The following ZNF613 variants were observed in gnomAD, a reference collection of about 807,000 sequenced individuals.
ZNF613 encodes zinc finger protein 613.
A neutral mutation model predicts 14.3 loss-of-function variants in ZNF613; 8 were observed. The ratio of observed to expected loss-of-function variants is 0.56; its 90% CI spans 0.33 to 1.01. The LOEUF is 1.01. Among genes scored for constraint, ZNF613 ranks in the 50% least tolerant of loss-of-function variants. The probability of loss-of-function intolerance (pLI) is 0.03; values close to 1 mark genes in which losing one functional copy is unlikely to be tolerated. For missense variants in ZNF613, 656 were observed against 741.9 expected (o/e 0.88, Z 1.35); for synonymous variants, 228 against 254.5 (o/e 0.90, Z 0.99).
rs550340475 is a variant in ZNF613, at chr19:51,932,712, A to G, written c.-194+2816A>G. ...TTTTTTTGAGACAGGGTCTCACTCTATTGCCCAGGCTGGAGCGCATTGGCA... is the reference window on the plus strand; with the variant it reads ...TTTTTTTGAGACAGGGTCTCACTCTGTTGCCCAGGCTGGAGCGCATTGGCA... On this transcript the variant is annotated intron_variant, in intron 2 of 5. Coordinates refer to ENST00000293471, the MANE Select transcript of ZNF613 (RefSeq NM_001031721.4). 4.5e-4 allele frequency among the ~76,000 whole-genome samples: 67 copies of G among 149,932 alleles called. 1 individual carries two copies. Among genetic ancestry groups the G allele is most frequent in the African/African-American group, 1.6e-3 (64 of 40,664 alleles).
chr19:51,944,296 C>A lies in ZNF613; in HGVS notation c.413C>A (p.Ser138Ter). The A allele has an allele frequency of 6.3e-7, 1 of 1,596,824 alleles. No homozygotes were observed. Among genetic ancestry groups the A allele is most frequent in the South Asian group, 1.1e-5 (1 of 88,752 alleles). ...GACTTACATGGGAAAATACTGAAATCAAATTTAAGTTTAGTCAACCAGAAC... is the reference window on the plus strand; with the variant it reads ...GACTTACATGGGAAAATACTGAAATAAAATTTAAGTTTAGTCAACCAGAAC... ...TFDLHGKILK[S>*]NLSLVNQNKR... The change falls in exon 6 of 6, where the codon TCA becomes TAA. Residue 138 changes from serine to a stop codon, truncating the protein, a stop_gained. Transcript: ENST00000293471. LOFTEE classifies it low-confidence loss of function (END_TRUNC).
chr19:51,940,739 G>T lies in ZNF613; in HGVS notation c.235+30G>T, dbSNP rs1039617762. 8 of 1,584,564 alleles carry T rather than the reference G, an allele frequency of 5.0e-6. No individual in the cohort carries two copies. The African/African-American group carries it at 9.5e-5, about 19-fold the overall frequency. ...GTTCAGGGTGAGAGCCAGCAAGGAG[G>T]GTGGCTGAGCAAGTCACATGATAGT... On this transcript the variant is annotated intron_variant, in intron 5 of 5. Transcript: ENST00000293471.
At chr19:51,933,371 C>A (rs1306820035) in intron 2 of ZNF613, among the ~76,000 whole-genome samples, 1 of 152,202 alleles carries the variant, frequency 6.6e-6, no homozygotes, top group African/African-American at 2.4e-5. Context: ...CTTTTCCTCC[C>A]TGAGTGAATT....
intron 3 of ZNF613, among the ~76,000 whole-genome samples, chr19:51,939,042 C>G (rs1017116397): frequency 2.0e-5 from 3 of 151,348 alleles, no homozygotes; most frequent in Admixed American, 6.6e-5. Context: ...AGTACCTTTC[C>G]ATTATTGTAT....
chr19:51,943,784 A>AGAG (rs10676351), intron 5 of ZNF613, among the ~76,000 whole-genome samples: 24,765 of 152,052 alleles, frequency 0.16, 2,628 homozygotes, highest in African/African-American at 0.3. Flanking sequence ...TATTTATAAA[A>AGAG]GACATAAGGA....
Position 51,945,197 on chromosome 19 carries a change from C to T in ZNF613, c.1314C>T (p.Ser438=). The change falls in exon 6 of 6, where the codon AGC becomes AGT. Residue 438 remains serine (S), a synonymous_variant. Transcript: ENST00000293471. The part of the protein sequence containing the change: ...YVCNECGKGF[S]QKTCLISHQR... ...GCAATGAATGTGGGAAAGGCTTCAGCCAGAAGACATGTTTAATATCCCATC... is the reference window on the plus strand; with the variant it reads ...GCAATGAATGTGGGAAAGGCTTCAGTCAGAAGACATGTTTAATATCCCATC... The T allele has an allele frequency of 6.2e-7, 1 of 1,614,096 alleles. No individual in the cohort carries two copies. Among genetic ancestry groups the T allele is most frequent in the South Asian group, 1.1e-5 (1 of 91,076 alleles).
chr19:51,930,082 C>G (rs952924895), intron 2 of ZNF613, among the ~76,000 whole-genome samples, 186 bp downstream of exon 2: 6 of 152,094 alleles, frequency 3.9e-5, no homozygotes, highest in African/African-American at 1.4e-4. Flanking sequence ...AAAAAGAAAC[C>G]CTGTACCCTT....
At chr19:51,932,993 A>AC (rs2085279095) in intron 2 of ZNF613, among the ~76,000 whole-genome samples, 1 of 152,090 alleles carries the variant, frequency 6.6e-6, no homozygotes, top group African/African-American at 2.4e-5. Flanking sequence ...TGACATTTTC[A>AC]CTTAGCATAA....
At chr19:51,937,725 C>CTT (rs557250619) in intron 3 of ZNF613, among the ~76,000 whole-genome samples, 200 of 105,172 alleles carry the variant, frequency 1.9e-3, no homozygotes, top group Non-Finnish European at 2.7e-3. Flanking sequence ...TGTCTTTTTT[C>CTT]TTTTTTTTTT....
intron 1 of ZNF613, among the ~76,000 whole-genome samples, chr19:51,928,718 G>A (rs932310918): frequency 6.6e-6 from 1 of 151,976 alleles, no homozygotes; most frequent in Non-Finnish European, 1.5e-5. Flanking sequence ...AACTGGGTGT[G>A]GTAACACACG....
chr19:51,928,917 G>T (rs2085241861), intron 1 of ZNF613, among the ~76,000 whole-genome samples: 1 of 151,650 alleles, frequency 6.6e-6, no homozygotes, highest in South Asian at 2.1e-4. Context: ...CGAAGAAAAT[G>T]ATAAGGTTTC....
chr19:51,938,496 A>G (rs1466419685), intron 3 of ZNF613, among the ~76,000 whole-genome samples: 4 of 151,750 alleles, frequency 2.6e-5, no homozygotes, highest in Non-Finnish European at 4.4e-5. Context: ...ATGACTTTCT[A>G]AGGTTCTCTG....
intron 3 of ZNF613, among the ~76,000 whole-genome samples, chr19:51,939,810 C>T (rs8104121): frequency 0.18 from 26,611 of 151,502 alleles, 3,223 homozygotes; most frequent in African/African-American, 0.34. Context: ...ATTCTGGTAG[C>T]GCACATGAAG....
chr19:51,943,677 A>G (rs1204371744), intron 5 of ZNF613, among the ~76,000 whole-genome samples: 1 of 152,256 alleles, frequency 6.6e-6, no homozygotes, highest in East Asian at 1.9e-4. Flanking sequence ...AGGAAAAAAC[A>G]TAATGGATAT....
rs868526192 is a variant in ZNF613, at chr19:51,945,048, G to A, written c.1165G>A (p.Val389Ile). 2 of 1,614,100 alleles carry A rather than the reference G, an allele frequency of 1.2e-6. No homozygotes were observed. The highest frequency in any genetic ancestry group is 2.2e-5 in the South Asian group (2 of 91,076). ...CTTCATTCAGAAGGGAAATCTCATT[G>A]TACATCAGCGAATTCATACTGGAGA... ...KGFIQKGNLIVHQRIHTGEKP... is the reference protein window; with the variant it reads ...KGFIQKGNLIIHQRIHTGEKP... Residue 389 changes from valine (V) to isoleucine (I), a missense_variant, in exon 6 of 6, where the codon GTA becomes ATA. Transcript: ENST00000293471.
chr19:51,945,498 A>C lies in ZNF613; in HGVS notation c.1615A>C (p.Lys539Gln), dbSNP rs2085392729. The C allele has an allele frequency of 6.2e-7, 1 of 1,614,192 alleles. No homozygotes were observed. Among genetic ancestry groups the C allele is most frequent in the African/African-American group, 1.3e-5 (1 of 75,042 alleles). ...YHKGMLHARE[K>Q]CVGSVKLENP... ...TAAGGGAATGCTGCATGCAAGAGAG[A>C]AATGTGTAGGTTCAGTCAAATTGGA... Residue 539 changes from lysine (K) to glutamine (Q), a missense_variant, in exon 6 of 6, where the codon AAA (lysine) becomes CAA (glutamine). Coordinates refer to ENST00000293471, the MANE Select transcript of ZNF613 (RefSeq NM_001031721.4).
At chr19:51,929,555 T>A (rs555995418) in intron 1 of ZNF613, among the ~76,000 whole-genome samples, 177 bp from the exon 2 acceptor site, 1 of 152,348 alleles carries the variant, frequency 6.6e-6, no homozygotes, top group Admixed American at 6.5e-5. Flanking sequence ...AACTTCCCTG[T>A]TCTCCAGGTT....
chr19:51,934,444 C>G (rs1225187487), intron 2 of ZNF613, among the ~76,000 whole-genome samples: 1 of 152,132 alleles, frequency 6.6e-6, no homozygotes, highest in African/African-American at 2.4e-5. Context: ...TTCCCTTGAA[C>G]TAATTTCATA....
intron 5 of ZNF613, among the ~76,000 whole-genome samples, chr19:51,943,663 G>A (rs1449499526): frequency 2.0e-5 from 3 of 152,164 alleles, no homozygotes; most frequent in Non-Finnish European, 4.4e-5. Context: ...TGTATGCACT[G>A]TACAGGAAAA....
Sources: gnomAD v4.1 joint callset for allele counts (sites outside exome capture counted in the v4.1 genomes callset) on GRCh38, gnomAD v4.1.1 for gene constraint, MANE v1.5 for transcripts, NCBI Gene and HGNC (gene_info 2026-07-23, HGNC 2026-07-21) for gene names.